ZBTB17: variants seen among roughly 807,000 people sequenced by gnomAD.
The protein encoded by ZBTB17 is zinc finger and BTB domain-containing protein 17.
Under a neutral mutation model 85.1 loss-of-function variants are expected in ZBTB17, and 24 were observed. The observed-to-expected ratio is 0.28, with a 90% confidence interval of 0.20 to 0.40. The LOEUF (loss-of-function observed/expected upper bound fraction) is 0.40, where lower values mean the gene tolerates loss of function less well. Ranked by LOEUF, ZBTB17 falls within the 10% of genes least tolerant of loss-of-function variation. The probability of loss-of-function intolerance (pLI) is 1.00; values close to 1 mark genes in which losing one functional copy is unlikely to be tolerated. For missense variants in ZBTB17, 743 were observed against 1,105.1 expected, an observed-to-expected ratio of 0.67 and a Z score of 4.65; for synonymous variants, 464 against 460.2, an observed-to-expected ratio of 1.01 and a Z score of -0.11.
intron 1 of ZBTB17, among the ~76,000 whole-genome samples, chr1:15,974,986 T>C (rs2072812156): frequency 6.6e-6 from 1 of 152,200 alleles, no homozygotes; most frequent in African/African-American, 2.4e-5. Flanking sequence ...CTCACTCCGC[T>C]GAGCTTCCCT....
chr1:15,958,489 T>C lies in ZBTB17; in HGVS notation c.-2-9992A>G, dbSNP rs187177232. ...GCCTTCCACCGTCAGGCCTTTGTTA[T>C]GGAGCAACTCAGGGCAGAAGGCCTG... On this transcript the variant is annotated intron_variant, in intron 2 of 15. Coordinates refer to ENST00000375743, the MANE Select transcript of ZBTB17 (RefSeq NM_003443.3). Among the ~76,000 whole-genome samples, 504 of 151,520 alleles carry C rather than the reference T, an allele frequency of 3.3e-3. 2 individuals are homozygous for C. The highest frequency in any genetic ancestry group is 5.3e-3 in the Non-Finnish European group (359 of 67,810).
rs1188393328 is a variant in ZBTB17, at chr1:15,946,285, T to A, written c.404A>T (p.Lys135Met). Residue 135 changes from lysine to methionine, a missense_variant, in exon 5 of 16, where the codon AAG becomes ATG. By Grantham distance (95) the Lys-to-Met change is moderately conservative. Coordinates refer to ENST00000375743, the MANE Select transcript of ZBTB17 (RefSeq NM_003443.3). ...AEALATEGGD[K>M]RAKEEKVATS... ...GGCCACCTTCTCCTCTTTGGCTCTC[T>A]TGTCCCCTCCTGGAGATGGAACAGG... is the stretch of plus-strand genomic sequence containing the variant. 9.3e-6 allele frequency: 15 copies of A among 1,612,868 alleles called. No homozygotes were observed. The highest frequency in any genetic ancestry group is 1.3e-5 in the African/African-American group (1 of 75,036).
At chr1:15,950,263 C>G (rs909068686) in intron 2 of ZBTB17, among the ~76,000 whole-genome samples, 3 of 152,246 alleles carry the variant, frequency 2.0e-5, no homozygotes, top group Non-Finnish European at 2.9e-5. Context: ...CCTGAAGGAA[C>G]GCAAGGGAGA....
At chr1:15,968,463 C>G (rs79491329) in intron 2 of ZBTB17, among the ~76,000 whole-genome samples, 99 of 152,226 alleles carry the variant, frequency 6.5e-4, no homozygotes, top group African/African-American at 2.3e-3. Flanking sequence ...AAGGAAGCCT[C>G]GGATCATAAT....
intron 2 of ZBTB17, among the ~76,000 whole-genome samples, chr1:15,961,422 G>GA (rs1447535944): frequency 1.3e-5 from 2 of 152,174 alleles, no homozygotes; most frequent in Admixed American, 6.5e-5. Context: ...ACTTCACTGG[G>GA]AAAAAACTAA....
Position 15,946,184 on chromosome 1 carries a change from G to C in ZBTB17, c.505C>G (p.Arg169Gly). ...IGPSRDLKEE[R>G]GGQAQSAASG... is the part of the protein sequence containing the mutation. ...GCCGCACTCTGGGCCTGACCGCCGC[G>C]CTCCTCCTTGAGGTCCCTGCTGGGG... The change falls in exon 5 of 16, where the codon CGC becomes GGC. Residue 169 changes from arginine (R) to glycine (G), a missense_variant. Physicochemically the swap from Arg to Gly is moderately radical, Grantham distance 125 (BLOSUM62 -2). Coordinates refer to ENST00000375743, the MANE Select transcript of ZBTB17 (RefSeq NM_003443.3). 6.2e-7 allele frequency: 1 copy of C among 1,610,892 alleles called. No individual in the cohort carries two copies. The highest frequency in any genetic ancestry group is 8.5e-7 in the Non-Finnish European group (1 of 1,179,988).
In ZBTB17 at chr1:15,943,634, G is replaced by A; in HGVS notation, c.1541C>T (p.Pro514Leu). ...GCGGACGTGCCGCTGCAGAGCGCCGGGGTCTGCAAACTGTCGCTGGCAGTG... is the reference window on the plus strand; with the variant it reads ...GCGGACGTGCCGCTGCAGAGCGCCGAGGTCTGCAAACTGTCGCTGGCAGTG... Reference protein sequence around the residue: ...CIHCQRQFADPGALQRHVRIH... With the variant: ...CIHCQRQFADLGALQRHVRIH... Residue 514 changes from proline (P) to leucine (L), a missense_variant, in exon 11 of 16, where the codon CCC (proline) becomes CTC (leucine). This residue lies in a region of ZBTB17 where 321 missense variants were observed against 615.7 expected (regional missense o/e 0.52). Transcript: ENST00000375743. The A allele has an allele frequency of 6.2e-6, 10 of 1,612,998 alleles. No homozygotes were observed. Among genetic ancestry groups the A allele is most frequent in the Non-Finnish European group, 8.5e-6 (10 of 1,179,930 alleles).
Position 15,943,663 on chromosome 1 carries a change from G to A in ZBTB17, c.1512C>T (p.Cys504=). 1.2e-6 allele frequency: 2 copies of A among 1,613,256 alleles called. No individual in the cohort carries two copies. The highest frequency in any genetic ancestry group is 2.2e-5 in the East Asian group (1 of 44,876). Reference sequence around the variant, plus strand: ...CTGCAAACTGTCGCTGGCAGTGGATGCACACGTAGGGCTTCTCCCCGCTGT... The same window carrying A: ...CTGCAAACTGTCGCTGGCAGTGGATACACACGTAGGGCTTCTCCCCGCTGT... The part of the protein sequence containing the change: ...RIHSGEKPYV[C]IHCQRQFADP... The change falls in exon 11 of 16, where the codon TGC becomes TGT. Residue 504 remains cysteine (C), a synonymous_variant. Coordinates refer to ENST00000375743, the MANE Select transcript of ZBTB17 (RefSeq NM_003443.3).
At chr1:15,967,992 T>A (rs1570204429) in intron 2 of ZBTB17, among the ~76,000 whole-genome samples, 2 of 152,114 alleles carry the variant, frequency 1.3e-5, no homozygotes, top group South Asian at 4.2e-4. Flanking sequence ...TCTGGAGACA[T>A]TCTGGGGTGT....
Position 15,945,565 on chromosome 1 carries a change from G to A in ZBTB17, c.661+150C>T, listed in dbSNP as rs536279019. On this transcript the variant is annotated intron_variant, in intron 6 of 15. Transcript: ENST00000375743. ...ACGACCTCGAGACTCAAGAACATGCGAAGACCAAGGTGTCCCAAAGCTGAA... is the reference window on the plus strand; with the variant it reads ...ACGACCTCGAGACTCAAGAACATGCAAAGACCAAGGTGTCCCAAAGCTGAA... 319 of 1,177,752 alleles carry A rather than the reference G, an allele frequency of 2.7e-4. 2 individuals carry two copies. The South Asian group carries it at 4.6e-3, about 17-fold the overall frequency. The allele number at this position is 1,177,752 out of a possible 1,614,324, so 73.0% of individuals were successfully genotyped here. A position where few individuals can be genotyped will look rare whatever the true frequency, so the allele number is the denominator to read the frequency against.
chr1:15,944,004 G>A (rs980105319), intron 9 of ZBTB17, 109 bp from the exon 10 acceptor site: 11 of 1,158,312 alleles, frequency 9.5e-6, no homozygotes, highest in African/African-American at 6.1e-5. Context: ...GCCAGGGTCC[G>A]TGAAGGGCTC....
rs760660810 is a variant in ZBTB17, at chr1:15,948,477, T to C, written c.19A>G (p.Ser7Gly). 5.5e-5 allele frequency: 89 copies of C among 1,613,704 alleles called. No individual in the cohort carries two copies. The East Asian group carries it at 1.8e-3, about 33-fold the overall frequency. Residue 7 changes from serine (S) to glycine (G), a missense_variant, in exon 3 of 16, where the codon AGC becomes GGC. Ser to Gly is a moderately conservative substitution (Grantham distance 56). Around this residue, in one of 4 missense-constraint regions of ZBTB17, gnomAD observed 74 missense variants for 142.6 expected, o/e 0.52. Coordinates refer to ENST00000375743, the MANE Select transcript of ZBTB17 (RefSeq NM_003443.3). Reference sequence around the variant, plus strand: ...TTCAGCTGTTCCAAGACATGCTGGCTGTGCTGGGGAAAGTCCATGGCTGAA... The same window carrying C: ...TTCAGCTGTTCCAAGACATGCTGGCCGTGCTGGGGAAAGTCCATGGCTGAA... MDFPQH[S>G]QHVLEQLNQQ...
Position 15,941,967 on chromosome 1 carries a change from GCTCA to G in ZBTB17, c.2410_*1del. 6.3e-7 allele frequency: 1 copy of G among 1,591,234 alleles called. No homozygotes were observed. Among genetic ancestry groups the G allele is most frequent in the Non-Finnish European group, 8.5e-7 (1 of 1,172,164 alleles). On this transcript the variant is annotated stop_lost and 3_prime_UTR_variant, in exon 16 of 16. Transcript: ENST00000375743. ...AAATAAACAGTCAGAAGGGCCGCCA[GCTCA>G]CTCGGCAGGCGGGGGACATTCAGGA...
intron 2 of ZBTB17, 147 bp from the exon 3 acceptor site, chr1:15,948,644 GTCCAGATACC>G: frequency 1.2e-6 from 1 of 822,960 alleles, no homozygotes; most frequent in East Asian, 2.7e-5. Context: ...GGGCAGTTCA[GTCCAGATACC>G]CCCTGCAAGC....
chr1:15,972,752 C>T (rs898856721), intron 2 of ZBTB17, among the ~76,000 whole-genome samples: 9 of 152,190 alleles, frequency 5.9e-5, no homozygotes, highest in African/African-American at 1.4e-4. Context: ...TGTGTACTTC[C>T]AGAATGTTAA....
At position 15,964,916 on chromosome 1, in the gene ZBTB17, C is replaced by T. The variant is rs1228398777; in HGVS notation, c.-3+8123G>A. On this transcript the variant is annotated intron_variant, in intron 2 of 15. Transcript: ENST00000375743. The surrounding 1 kb of genome is among the most constrained non-coding windows in gnomAD (Gnocchi z 4.3). Reference sequence around the variant, plus strand: ...GGATCATGAGGTCAGGAGTTCAAGACCAGCCTGGCCAAGATGCTGAAACCC... The same window carrying T: ...GGATCATGAGGTCAGGAGTTCAAGATCAGCCTGGCCAAGATGCTGAAACCC... Among the ~76,000 whole-genome samples the T allele has an allele frequency of 1.3e-5, 2 of 151,950 alleles. No individual in the cohort carries two copies. The highest frequency in any genetic ancestry group is 4.8e-5 in the African/African-American group (2 of 41,346).
At chr1:15,961,720 G>A (rs946885286) in intron 2 of ZBTB17, among the ~76,000 whole-genome samples, 1 of 152,158 alleles carries the variant, frequency 6.6e-6, no homozygotes, top group Non-Finnish European at 1.5e-5. Context: ...CCCGCCAGCC[G>A]CTTTGAAGTG....
Position 15,943,407 on chromosome 1 carries a change from G to A in ZBTB17, c.1689C>T (p.Cys563=), listed in dbSNP as rs776874529. ...GGGGGAGGGGGCAGGACCTCTTGCCGCAGCGCTCGCAGACGTAGGGCTTCT... is the reference window on the plus strand; with the variant it reads ...GGGGGAGGGGGCAGGACCTCTTGCCACAGCGCTCGCAGACGTAGGGCTTCT... ...TGEKPYVCER[C]GKRFVQSSQL... Residue 563 remains cysteine, a synonymous_variant, in exon 12 of 16, where the codon TGC becomes TGT. Coordinates refer to ENST00000375743, the MANE Select transcript of ZBTB17 (RefSeq NM_003443.3). 1.4e-5 allele frequency: 22 copies of A among 1,597,790 alleles called. No homozygotes were observed. Among genetic ancestry groups the A allele is most frequent in the East Asian group, 2.2e-5 (1 of 44,726 alleles).
chr1:15,954,202 G>A (rs916318690), intron 2 of ZBTB17, among the ~76,000 whole-genome samples: 6 of 152,326 alleles, frequency 3.9e-5, no homozygotes, highest in South Asian at 4.1e-4. Context: ...AGGCTGGAGT[G>A]CATGCCCAGA....
Sources: allele counts gnomAD v4.1 joint callset (sites outside exome capture counted in the v4.1 genomes callset), GRCh38; gene constraint gnomAD v4.1.1; regional missense constraint gnomAD v4.1.1; non-coding constraint Gnocchi (gnomAD v3.1); transcripts MANE v1.5; gene names NCBI Gene and HGNC (gene_info 2026-07-23, HGNC 2026-07-21).